Variants in AKAP13 observed in about 807,000 individuals in gnomAD.
The protein encoded by AKAP13 is A-kinase anchoring protein 13.
Under a neutral mutation model 264.5 loss-of-function variants are expected in AKAP13, and 80 were observed. The ratio of observed to expected loss-of-function variants is 0.30; its 90% CI spans 0.25 to 0.36. The LOEUF (loss-of-function observed/expected upper bound fraction) is 0.36. Among genes scored for constraint, AKAP13 ranks in the 10% least tolerant of loss-of-function variants. AKAP13 has a pLI of 1.00. For synonymous variants in AKAP13, 1,380 were observed against 1,250.2 expected (o/e 1.10, Z -2.19); for missense variants, 3,712 against 3,435.2 (o/e 1.08, Z -2.01).
In AKAP13 at chr15:85,579,413, G is replaced by C. The variant is rs1171295421; in HGVS notation, c.1345G>C (p.Asp449His). ...LSSGDAVLQR[D>H]LVMEPGTAQY... Reference sequence around the variant, plus strand: ...CAGTGGAGATGCTGTGCTTCAGAGAGACTTGGTCATGGAGCCAGGCACAGC... The same window carrying C: ...CAGTGGAGATGCTGTGCTTCAGAGACACTTGGTCATGGAGCCAGGCACAGC... Residue 449 changes from aspartate (D) to histidine (H), a missense_variant, in exon 7 of 37, where the codon GAC becomes CAC. Asp to His is a moderately conservative substitution (Grantham distance 81). Transcript: ENST00000394518. The C allele has an allele frequency of 6.2e-7, 1 of 1,614,046 alleles. No homozygotes were observed. Among genetic ancestry groups the C allele is most frequent in the Non-Finnish European group, 8.5e-7 (1 of 1,180,000 alleles).
chr15:85,698,020 C>T (rs1162740460), intron 17 of AKAP13, among the ~76,000 whole-genome samples: 1 of 152,140 alleles, frequency 6.6e-6, no homozygotes, highest in Non-Finnish European at 1.5e-5. Flanking sequence ...CAGGCACCCA[C>T]AGTGGCTTAA....
At chr15:85,544,327 T>A (rs1477989464) in intron 5 of AKAP13, among the ~76,000 whole-genome samples, 3 of 152,248 alleles carry the variant, frequency 2.0e-5, no homozygotes, top group Admixed American at 2.0e-4. Context: ...CTATATCATA[T>A]ATTTTTTTCT....
chr15:85,731,145 A>G (rs543703582), intron 30 of AKAP13, among the ~76,000 whole-genome samples: 14 of 151,898 alleles, frequency 9.2e-5, no homozygotes, highest in Admixed American at 3.3e-4. Flanking sequence ...GCTTGGGACT[A>G]CAGATGTGCA....
intron 1 of AKAP13, among the ~76,000 whole-genome samples, chr15:85,405,724 C>T (rs991893944): frequency 6.6e-6 from 1 of 152,190 alleles, no homozygotes; most frequent in African/African-American, 2.4e-5. Context: ...TTGCAGTTTG[C>T]AAGCCGTTCC....
intron 17 of AKAP13, among the ~76,000 whole-genome samples, chr15:85,707,680 A>G (rs1197530219): frequency 1.3e-5 from 2 of 152,124 alleles, no homozygotes; most frequent in Non-Finnish European, 1.5e-5. Context: ...TTGATTAGAA[A>G]TCACATCTGT....
At chr15:85,618,143 A>G (rs2081023831) in intron 8 of AKAP13, among the ~76,000 whole-genome samples, 1 of 152,218 alleles carries the variant, frequency 6.6e-6, no homozygotes, top group South Asian at 2.1e-4. Flanking sequence ...GTGTATTAAT[A>G]GAAAGTTGAG....
At chr15:85,650,782 A>AAAAAAAAAAAAAAAAAAAAC (rs2082786064) in intron 10 of AKAP13, among the ~76,000 whole-genome samples, 1 of 145,174 alleles carries the variant, frequency 6.9e-6, no homozygotes. Flanking sequence ...AAAAAAAAAA[A>AAAAAAAAAAAAAAAAAAAAC]AAAAAAAACA....
At chr15:85,594,866 G>T (rs950935470) in intron 8 of AKAP13, among the ~76,000 whole-genome samples, 3 of 152,150 alleles carry the variant, frequency 2.0e-5, no homozygotes, top group Non-Finnish European at 4.4e-5. Flanking sequence ...TTGACCACCA[G>T]AAGAGTAAAT....
intron 12 of AKAP13, among the ~76,000 whole-genome samples, chr15:85,661,564 A>C (rs1313831774): frequency 6.6e-6 from 1 of 152,048 alleles, no homozygotes; most frequent in African/African-American, 2.4e-5. Context: ...ACTAAAAAAA[A>C]TACAAAATTA....
chr15:85,474,119 T>C (rs959631783), intron 1 of AKAP13, among the ~76,000 whole-genome samples: 3 of 152,200 alleles, frequency 2.0e-5, no homozygotes, highest in Admixed American at 2.0e-4. Flanking sequence ...ACTGTAAACA[T>C]GGGTTTCTGT....
Position 85,552,805 on chromosome 15 carries a change from T to C in AKAP13, c.662+8850T>C, listed in dbSNP as rs189019462. On this transcript the variant is annotated intron_variant, in intron 5 of 36. Transcript: ENST00000394518. Reference sequence around the variant, plus strand: ...ACCATGCCCGGCTAATTTTTTTGTATGTTTTTTCACCGTGTTAGCCAGGAT... The same window carrying C: ...ACCATGCCCGGCTAATTTTTTTGTACGTTTTTTCACCGTGTTAGCCAGGAT... Among the ~76,000 whole-genome samples, 1,010 of 152,108 alleles carry C rather than the reference T, an allele frequency of 6.6e-3. 7 individuals carry two copies. Among genetic ancestry groups the C allele is most frequent in the Admixed American group, 0.013 (198 of 15,288 alleles).
Position 85,718,307 on chromosome 15 carries a change from G to A in AKAP13, c.6001+148G>A. 1 of 903,168 alleles carries A rather than the reference G, an allele frequency of 1.1e-6. No individual in the cohort carries two copies. Among genetic ancestry groups the A allele is most frequent in the Non-Finnish European group, 1.6e-6 (1 of 609,900 alleles). The allele number at this position is 903,168 out of a possible 1,614,324, so 55.9% of individuals were successfully genotyped here. The stretch of plus-strand genomic sequence containing the variant: ...TAAAAACTTTAAGGTACAGAGACGT[G>A]GTCCTGTTGGTATCCTATCTCCTTT... On this transcript the variant is annotated intron_variant, in intron 22 of 36. Transcript: ENST00000394518. This position sits in a 1 kb window ranked among gnomAD's most constrained non-coding sequence, Gnocchi z 4.9.
intron 8 of AKAP13, among the ~76,000 whole-genome samples, chr15:85,632,669 G>A (rs186348215): frequency 6.6e-5 from 10 of 152,192 alleles, no homozygotes; most frequent in African/African-American, 2.4e-4. Context: ...CTTTAATTTT[G>A]TTCTAGTAGT....
intron 2 of AKAP13, among the ~76,000 whole-genome samples, 184 bp from the exon 3 acceptor site, chr15:85,521,244 T>G (rs2076811937): frequency 6.6e-6 from 1 of 152,258 alleles, no homozygotes; most frequent in Admixed American, 6.5e-5. Context: ...CATTCTGTAT[T>G]GTGAATGCCT....
chr15:85,580,728 A>C lies in AKAP13; in HGVS notation c.2660A>C (p.Lys887Thr). ...GCAATCCCAGAAGCTCTGAATATCA[A>C]GGGGAACACTGACTCTTCCCTGCAA... The part of the protein sequence containing the change: ...PPAIPEALNI[K>T]GNTDSSLQSV... Residue 887 changes from lysine (K) to threonine (T), a missense_variant, in exon 7 of 37, where the codon AAG (lysine) becomes ACG (threonine). By Grantham distance (78) the Lys-to-Thr change is moderately conservative. Transcript: ENST00000394518. 6.2e-7 allele frequency: 1 copy of C among 1,614,166 alleles called. No homozygotes were observed. The highest frequency in any genetic ancestry group is 8.5e-7 in the Non-Finnish European group (1 of 1,180,020).
chr15:85,562,603 ATATC>A (rs1255440797), intron 5 of AKAP13, among the ~76,000 whole-genome samples: 158 of 138,038 alleles, frequency 1.1e-3, no homozygotes, highest in Non-Finnish European at 2.0e-3. Flanking sequence ...ATATATATAT[ATATC>A]TCTGTCCTTA....
chr15:85,475,206 C>A (rs2075116169), intron 1 of AKAP13, among the ~76,000 whole-genome samples: 1 of 152,146 alleles, frequency 6.6e-6, no homozygotes, highest in African/African-American at 2.4e-5. Flanking sequence ...TTACATAAAA[C>A]CCAGCTGTGT....
intron 3 of AKAP13, among the ~76,000 whole-genome samples, chr15:85,526,958 T>G (rs1249301168): frequency 6.6e-6 from 1 of 150,782 alleles, no homozygotes; most frequent in African/African-American, 2.4e-5. Context: ...GTTGTAATTT[T>G]TTTTTTTTTT....
At chr15:85,386,168 T>A (rs1341165563) in intron 1 of AKAP13, among the ~76,000 whole-genome samples, 3 of 152,130 alleles carry the variant, frequency 2.0e-5, no homozygotes, top group Non-Finnish European at 2.9e-5. Flanking sequence ...AGTTCTTAAT[T>A]TTTATGATAT....
Sources: allele counts gnomAD v4.1 joint callset (sites outside exome capture counted in the v4.1 genomes callset), GRCh38; gene constraint gnomAD v4.1.1; non-coding constraint Gnocchi (gnomAD v3.1); transcripts MANE v1.5; gene names NCBI Gene and HGNC (gene_info 2026-07-23, HGNC 2026-07-21).